Variants in FGF14 observed in about 807,000 individuals in gnomAD.
The protein encoded by FGF14 is fibroblast growth factor homologous factor 4.
Under a neutral mutation model 25.5 loss-of-function variants are expected in FGF14, and 5 were observed. That is an observed-to-expected ratio of 0.20 (90% CI 0.10 to 0.41). The LOEUF (loss-of-function observed/expected upper bound fraction) is 0.41. Ranked by LOEUF, FGF14 falls within the 10% of genes least tolerant of loss-of-function variation. FGF14 has a pLI of 1.00. For missense variants in FGF14, 222 were observed against 320.1 expected (o/e 0.69, Z 2.34); for synonymous variants, 138 against 118.3 (o/e 1.17, Z -1.08).
chr13:102,046,240 G>GAATAATAACATATATCAATATC (rs2041977546), intron 1 of FGF14, among the ~76,000 whole-genome samples: 1 of 152,010 alleles, frequency 6.6e-6, no homozygotes, highest in Non-Finnish European at 1.5e-5. Context: ...TTATTAACAT[G>GAATAATAACATATATCAATATC]AAAACCATAT....
intron 1 of FGF14, among the ~76,000 whole-genome samples, chr13:102,228,686 A>G (rs887889215): frequency 1.3e-5 from 2 of 152,166 alleles, no homozygotes; most frequent in African/African-American, 4.8e-5. Context: ...TTTTACAGAT[A>G]AGAAAGCAGA....
At chr13:102,135,162 C>T (rs901701268) in intron 1 of FGF14, among the ~76,000 whole-genome samples, 7 of 152,074 alleles carry the variant, frequency 4.6e-5, no homozygotes, top group African/African-American at 9.7e-5. Flanking sequence ...AAGCTATGAT[C>T]GCACCATCGC....
chr13:102,288,242 C>T (rs1055592181), intron 1 of FGF14, among the ~76,000 whole-genome samples: 6 of 152,164 alleles, frequency 3.9e-5, no homozygotes, highest in African/African-American at 1.2e-4. Flanking sequence ...GTGAAAACAA[C>T]TTGTCACAAC....
intron 1 of FGF14, among the ~76,000 whole-genome samples, chr13:102,387,596 T>A (rs2058333874): frequency 6.6e-6 from 1 of 152,202 alleles, no homozygotes; most frequent in Non-Finnish European, 1.5e-5. Flanking sequence ...ACTTTTCTTT[T>A]AGGTTCAGGG....
At chr13:101,943,380 T>C (rs921365203) in intron 1 of FGF14, among the ~76,000 whole-genome samples, 7 of 152,158 alleles carry the variant, frequency 4.6e-5, no homozygotes, top group East Asian at 1.9e-4. Context: ...CTCCAAGTGA[T>C]TGCCACCCCC....
intron 1 of FGF14, among the ~76,000 whole-genome samples, chr13:102,134,886 C>A (rs2046342046): frequency 6.6e-6 from 1 of 152,124 alleles, no homozygotes; most frequent in African/African-American, 2.4e-5. Flanking sequence ...GGCCAAATTT[C>A]TTTGAACTAA....
chr13:102,300,691 T>A (rs2138563165), intron 1 of FGF14, among the ~76,000 whole-genome samples: 1 of 152,236 alleles, frequency 6.6e-6, no homozygotes, highest in Non-Finnish European at 1.5e-5. Context: ...ACTGTACCCA[T>A]TACCCAGTAC....
chr13:102,310,724 C>G (rs1209420828), intron 1 of FGF14, among the ~76,000 whole-genome samples: 3 of 110,928 alleles, frequency 2.7e-5, no homozygotes, highest in Non-Finnish European at 5.2e-5. Flanking sequence ...GGTTGTTTAA[C>G]TGCTAGAAAA....
At chr13:102,189,767 T>C (rs2049051762) in intron 1 of FGF14, among the ~76,000 whole-genome samples, 1 of 152,178 alleles carries the variant, frequency 6.6e-6, no homozygotes, top group Non-Finnish European at 1.5e-5. Context: ...CAGCATCTGC[T>C]TGGCTTCTGG....
At position 102,400,344 on chromosome 13, in the gene FGF14, A is replaced by C. The variant is rs2058674034; in HGVS notation, c.208+1127T>G. 1.3e-5 allele frequency among the ~76,000 whole-genome samples: 2 copies of C among 152,130 alleles called. No homozygotes were observed. Among genetic ancestry groups the C allele is most frequent in the Non-Finnish European group, 2.9e-5 (2 of 68,020 alleles). ...GGCCGATCTGCCCGCTCCCTCCTTCAGACACAACCCCAGACAAAAACAGCC... is the reference window on the plus strand; with the variant it reads ...GGCCGATCTGCCCGCTCCCTCCTTCCGACACAACCCCAGACAAAAACAGCC... On this transcript the variant is annotated intron_variant, in intron 1 of 4. Transcript: ENST00000376131. This position sits in a 1 kb window ranked among gnomAD's most constrained non-coding sequence, Gnocchi z 4.3.
At chr13:102,118,829 C>A (rs2045590012) in intron 1 of FGF14, among the ~76,000 whole-genome samples, 1 of 151,612 alleles carries the variant, frequency 6.6e-6, no homozygotes, top group African/African-American at 2.4e-5. Flanking sequence ...ACACTTACAC[C>A]AAAAAATTAA....
intron 3 of FGF14, among the ~76,000 whole-genome samples, chr13:101,739,840 C>T (rs2036426316): frequency 6.6e-6 from 1 of 152,152 alleles, no homozygotes; most frequent in Non-Finnish European, 1.5e-5. Flanking sequence ...AGACAGGCAG[C>T]CCAGCGCCAG....
chr13:102,106,245 TA>T (rs2044905375), intron 1 of FGF14, among the ~76,000 whole-genome samples: 1 of 152,158 alleles, frequency 6.6e-6, no homozygotes, highest in Non-Finnish European at 1.5e-5. Context: ...GCTTTAAATA[TA>T]AAAGATGTAA....
intron 3 of FGF14, among the ~76,000 whole-genome samples, chr13:101,815,600 A>G (rs2041801872): frequency 6.6e-6 from 1 of 152,148 alleles, no homozygotes; most frequent in African/African-American, 2.4e-5. Flanking sequence ...GCTTCATCGT[A>G]TCTTATCACA....
chr13:102,057,528 T>G (rs1439999602), intron 1 of FGF14, among the ~76,000 whole-genome samples: 1 of 152,172 alleles, frequency 6.6e-6, no homozygotes, highest in East Asian at 1.9e-4. Context: ...AACCAGAATA[T>G]AGTTAGTATG....
intron 1 of FGF14, among the ~76,000 whole-genome samples, chr13:102,296,042 C>T (rs1168058652): frequency 6.6e-6 from 1 of 152,158 alleles, no homozygotes; most frequent in African/African-American, 2.4e-5. Context: ...TTTGCATTGT[C>T]AGGACCACTG....
At chr13:101,921,348 G>A (rs2033990125), upstream of FGF14, among the ~76,000 whole-genome samples, 1 of 152,134 alleles carries the variant, frequency 6.6e-6, no homozygotes, top group Non-Finnish European at 1.5e-5. Context: ...ATGTCTGATA[G>A]GTAAGTGTCT....
intron 1 of FGF14, among the ~76,000 whole-genome samples, chr13:102,048,894 C>T (rs571917499): frequency 1.3e-5 from 2 of 152,274 alleles, no homozygotes; most frequent in African/African-American, 4.8e-5. Context: ...ACTCTAATTC[C>T]TCAGATACTG....
intron 1 of FGF14, among the ~76,000 whole-genome samples, chr13:101,981,068 C>T (rs1361862929): frequency 7.2e-6 from 1 of 138,556 alleles, no homozygotes; most frequent in African/African-American, 2.7e-5. Flanking sequence ...ATGGTGAAAC[C>T]TCGTCTCTAC....
Sources: gnomAD v4.1 joint callset for allele counts (sites outside exome capture counted in the v4.1 genomes callset) on GRCh38, gnomAD v4.1.1 for gene constraint, Gnocchi (gnomAD v3.1) non-coding constraint, MANE v1.5 for transcripts, NCBI Gene and HGNC (gene_info 2026-07-23, HGNC 2026-07-21) for gene names.